Variants in METRNL observed in about 807,000 individuals in gnomAD.
METRNL encodes the protein meteorin like, glial cell differentiation regulator, also known as meteorin-like protein.
A neutral mutation model predicts 17.4 loss-of-function variants in METRNL; 9 were observed. The ratio of observed to expected loss-of-function variants is 0.52; its 90% CI spans 0.31 to 0.90. METRNL has a LOEUF of 0.90. METRNL is among the 40% of genes least tolerant of loss of function. The pLI is 0.05. For synonymous variants in METRNL, 215 were observed against 199.3 expected, an observed-to-expected ratio of 1.08 and a Z score of -0.66; for missense variants, 408 against 430.7, an observed-to-expected ratio of 0.95 and a Z score of 0.47.
chr17:83,092,208 G>A (rs575207569), intron 2 of METRNL, among the ~76,000 whole-genome samples: 8 of 152,316 alleles, frequency 5.3e-5, no homozygotes, highest in East Asian at 1.9e-4. Context: ...ACCTCATCCC[G>A]CGGCCAGGTG....
In METRNL at chr17:83,089,938, C is replaced by T. The variant is rs772245056; in HGVS notation, c.557-3229C>T. Among the ~76,000 whole-genome samples, 23 of 152,080 alleles carry T rather than the reference C, an allele frequency of 1.5e-4. No homozygotes were observed. The East Asian group carries it at 2.1e-3, about 14-fold the overall frequency. The stretch of plus-strand genomic sequence containing the variant: ...CCGGCCCCACACCCCTGCCGTCAGC[C>T]GGGTGAGCCAGGGCGGGGTACCCAG... On this transcript the variant is annotated intron_variant, in intron 2 of 3. Coordinates refer to ENST00000320095, the MANE Select transcript of METRNL (RefSeq NM_001004431.3).
intron 2 of METRNL, among the ~76,000 whole-genome samples, chr17:83,086,019 G>A (rs562810066): frequency 6.6e-6 from 1 of 152,286 alleles, no homozygotes; most frequent in South Asian, 2.1e-4. Context: ...GAGGTGTCAC[G>A]TGGCGTCTCT....
chr17:83,086,961 T>G (rs2038059695), intron 2 of METRNL, among the ~76,000 whole-genome samples: 4 of 147,858 alleles, frequency 2.7e-5, no homozygotes, highest in African/African-American at 7.6e-5. Flanking sequence ...GCTGGGGCGG[T>G]GGGTGGGTTT....
chr17:83,090,916 G>A (rs2038125972), intron 2 of METRNL, among the ~76,000 whole-genome samples: 1 of 152,174 alleles, frequency 6.6e-6, no homozygotes, highest in Non-Finnish European at 1.5e-5. Context: ...ATCAGGCCCA[G>A]CATGGTCTGC....
Position 83,094,662 on chromosome 17 carries a change from G to A in METRNL, c.*87G>A, listed in dbSNP as rs1133217. On this transcript the variant is annotated 3_prime_UTR_variant, in exon 4 of 4. Coordinates refer to ENST00000320095, the MANE Select transcript of METRNL (RefSeq NM_001004431.3). ...CTGGTGGGGCCGTGCGGTGAGGGCC[G>A]CGCGCTGGGAGCCGCATGCCCTGGG... 55,237 of 1,141,986 alleles carry A rather than the reference G, an allele frequency of 0.048. 1,401 individuals carry two copies. Among genetic ancestry groups the A allele is most frequent in the African/African-American group, 0.062 (3,865 of 62,614 alleles). 70.7% of individuals were successfully genotyped at this position (1,141,986 alleles called of 1,614,324 possible).
At chr17:83,088,354 C>A (rs1216827175) in intron 2 of METRNL, among the ~76,000 whole-genome samples, 1 of 152,216 alleles carries the variant, frequency 6.6e-6, no homozygotes, top group Non-Finnish European at 1.5e-5. Context: ...GAAACGGGCA[C>A]CGTTCAGTGG....
Position 83,094,876 on chromosome 17 carries a change from C to T in METRNL, c.*301C>T. 2 of 319,116 alleles carry T rather than the reference C, an allele frequency of 6.3e-6. No homozygotes were observed. Among genetic ancestry groups the T allele is most frequent in the Non-Finnish European group, 1.1e-5 (2 of 175,738 alleles). The allele number at this position is 319,116 out of a possible 1,614,324, so 19.8% of individuals were successfully genotyped here. On this transcript the variant is annotated 3_prime_UTR_variant, in exon 4 of 4. Coordinates refer to ENST00000320095, the MANE Select transcript of METRNL (RefSeq NM_001004431.3). The stretch of plus-strand genomic sequence containing the variant: ...CCGTGTCTTAAAACGCCTTGGTGTG[C>T]CGTCTGATACTGTTCTCTAAAGACG...
Position 83,081,994 on chromosome 17 carries a change from C to A in METRNL, c.170+2009C>A, listed in dbSNP as rs550769798. On this transcript the variant is annotated intron_variant, in intron 1 of 3. Transcript: ENST00000320095. ...GGTGTGCTGGGTGGATTCTCATCCC[C>A]CGATAGCTGGAAAGTTGCCCCTCAT... 248 of 761,352 alleles carry A rather than the reference C, an allele frequency of 3.3e-4. 1 individual carries two copies. The highest frequency in any genetic ancestry group is 5.0e-4 in the Admixed American group (8 of 15,982). 47.2% of individuals were successfully genotyped at this position (761,352 alleles called of 1,614,324 possible). A position where few individuals can be genotyped will look rare whatever the true frequency, so the allele number is the denominator to read the frequency against.
intron 1 of METRNL, chr17:83,084,627 G>GA (rs1190825246): frequency 2.3e-6 from 1 of 441,054 alleles, no homozygotes; most frequent in East Asian, 3.6e-5. Flanking sequence ...GCAGACTCTT[G>GA]AGTGTTGGAG....
chr17:83,081,862 A>T (rs1168013095), intron 1 of METRNL, among the ~76,000 whole-genome samples: 3 of 152,166 alleles, frequency 2.0e-5, no homozygotes, highest in African/African-American at 7.2e-5. Flanking sequence ...CGAATCAGTG[A>T]CAGAGACTCG....
At chr17:83,087,488 A>T (rs2038065272) in intron 2 of METRNL, among the ~76,000 whole-genome samples, 1 of 152,030 alleles carries the variant, frequency 6.6e-6, no homozygotes, top group Admixed American at 6.5e-5. Context: ...TCCTATCCTG[A>T]TGGGGTGGAG....
intron 2 of METRNL, among the ~76,000 whole-genome samples, chr17:83,089,079 C>CTG (rs1568337913): frequency 6.6e-6 from 1 of 151,786 alleles, no homozygotes; most frequent in Non-Finnish European, 1.5e-5. Context: ...AGGGCAGGGG[C>CTG]TATGGGGCCA....
rs1447109198 is a variant in METRNL at position 83,079,671 on chromosome 17, C to G, written c.-145C>G. ...CGCGGCTCCAGCGGGCCGGGATGGG[C>G]GGGCGGCCGCGCGGAGGACGCGGGG... On this transcript the variant is annotated 5_prime_UTR_variant, in exon 1 of 4. Transcript: ENST00000320095. The G allele has an allele frequency of 5.2e-6, 1 of 191,634 alleles. No homozygotes were observed. Among genetic ancestry groups the G allele is most frequent in the African/African-American group, 2.4e-5 (1 of 40,952 alleles). The allele number at this position is 191,634 out of a possible 1,614,324, so 11.9% of individuals were successfully genotyped here. A position where few individuals can be genotyped will look rare whatever the true frequency, so the allele number is the denominator to read the frequency against.
intron 2 of METRNL, among the ~76,000 whole-genome samples, chr17:83,091,579 C>T (rs1455968650): frequency 6.6e-6 from 1 of 152,216 alleles, no homozygotes; most frequent in East Asian, 1.9e-4. Context: ...TGTGTGCTGC[C>T]CTGTCCCCTG....
intron 2 of METRNL, among the ~76,000 whole-genome samples, chr17:83,091,273 C>T (rs888888647): frequency 6.6e-6 from 1 of 152,078 alleles, no homozygotes; most frequent in South Asian, 2.1e-4. Context: ...TGTGCAGTTT[C>T]TTTTTCCTGA....
chr17:83,082,934 T>G lies in METRNL; in HGVS notation c.171-2004T>G, dbSNP rs147850811. ...GTTGGAGTCCCGTTGGTCTGGATGT[T>G]TCGGGAGAATGTGAGAGGAGAGGGG... On this transcript the variant is annotated intron_variant, in intron 1 of 3. Coordinates refer to ENST00000320095, the MANE Select transcript of METRNL (RefSeq NM_001004431.3). Among the ~76,000 whole-genome samples, 4 of 152,330 alleles carry G rather than the reference T, an allele frequency of 2.6e-5. No individual in the cohort carries two copies. In the East Asian group the frequency reaches 7.7e-4, roughly 29 times the overall value.
intron 2 of METRNL, among the ~76,000 whole-genome samples, chr17:83,090,241 C>T (rs1279940527): frequency 4.5e-5 from 3 of 66,588 alleles, no homozygotes; most frequent in Non-Finnish European, 9.4e-5. Context: ...CACACACCCC[C>T]GCCCTGCCCC....
At chr17:83,087,087 G>A (rs980710639) in intron 2 of METRNL, among the ~76,000 whole-genome samples, 15 of 152,126 alleles carry the variant, frequency 9.9e-5, no homozygotes, top group African/African-American at 2.9e-4. Context: ...GCAGGCATTC[G>A]GCGGTGGGTC....
At chr17:83,080,050 G>C in intron 1 of METRNL, 65 bp downstream of exon 1, 2 of 969,242 alleles carry the variant, frequency 2.1e-6, no homozygotes, top group Non-Finnish European at 2.5e-6. Context: ...GTCCCGGGCC[G>C]GCCGAGCGTG....
Sources: allele counts gnomAD v4.1 joint callset (sites outside exome capture counted in the v4.1 genomes callset), GRCh38; gene constraint gnomAD v4.1.1; transcripts MANE v1.5; gene names NCBI Gene and HGNC (gene_info 2026-07-23, HGNC 2026-07-21).